PCDH15: variants seen among roughly 807,000 people sequenced by gnomAD.
PCDH15 encodes the protein protocadherin related 15.
A neutral mutation model predicts 178.5 loss-of-function variants in PCDH15; 129 were observed. The observed-to-expected ratio is 0.72, with a 90% CI of 0.63 to 0.84. PCDH15 has a LOEUF of 0.84. PCDH15 is among the 40% of genes least tolerant of loss of function. The pLI is 0.00. For missense variants in PCDH15, 2,230 were observed against 2,099.9 expected (o/e 1.06, Z -1.21); for synonymous variants, 800 against 732.0 (o/e 1.09, Z -1.50).
chr10:54,987,165 T>A (rs931622522), intron 2 of PCDH15, among the ~76,000 whole-genome samples: 1 of 152,168 alleles, frequency 6.6e-6, no homozygotes, highest in African/African-American at 2.4e-5. Context: ...GGTTTCCAGC[T>A]TCATCCGTGT....
At chr10:54,669,659 C>T (rs1055184807) in intron 1 of PCDH15, among the ~76,000 whole-genome samples, 2 of 147,348 alleles carry the variant, frequency 1.4e-5, no homozygotes, top group African/African-American at 2.5e-5. Context: ...CTCTCCCACC[C>T]GGTCCTGCTA....
At chr10:53,903,467 T>A in intron 25 of PCDH15, 97 bp from the exon 26 acceptor site, 1 of 1,457,398 alleles carries the variant, frequency 6.9e-7, no homozygotes. Flanking sequence ...TTTGGAAACA[T>A]TGAAAATAAA....
chr10:54,746,976 A>G (rs1052463224), intron 1 of PCDH15, among the ~76,000 whole-genome samples: 3 of 152,162 alleles, frequency 2.0e-5, no homozygotes, highest in African/African-American at 4.8e-5. Flanking sequence ...AATATTTTCA[A>G]CTTACAATGG....
chr10:53,852,011 C>T (rs2078413339), intron 28 of PCDH15, among the ~76,000 whole-genome samples: 1 of 151,786 alleles, frequency 6.6e-6, no homozygotes, highest in Admixed American at 6.6e-5. Context: ...GTTGTCAGTT[C>T]CGATTCATAC....
intron 2 of PCDH15, among the ~76,000 whole-genome samples, chr10:54,640,289 A>G (rs2134934775): frequency 6.6e-6 from 1 of 151,986 alleles, no homozygotes; most frequent in South Asian, 2.1e-4. Flanking sequence ...TGCCTTCCTG[A>G]TAATTTTTTT....
intron 14 of PCDH15, among the ~76,000 whole-genome samples, chr10:54,145,452 G>GA (rs2043813563): frequency 6.6e-6 from 1 of 151,996 alleles, no homozygotes. Flanking sequence ...TATTGTGCTA[G>GA]AAAAGCTATG....
chr10:54,364,467 G>T (rs10825310), intron 5 of PCDH15, among the ~76,000 whole-genome samples: 22,065 of 151,908 alleles, frequency 0.15, 1,784 homozygotes, highest in Middle Eastern at 0.22. Context: ...TGATACATCC[G>T]TGAAAACCCA....
chr10:54,311,194 G>A (rs1380826272), intron 8 of PCDH15, among the ~76,000 whole-genome samples: 1 of 152,168 alleles, frequency 6.6e-6, no homozygotes, highest in East Asian at 1.9e-4. Flanking sequence ...ACCATGTTCA[G>A]TGAGCAACTG....
chr10:55,218,974 T>C (rs1840790779), intron 1 of PCDH15, among the ~76,000 whole-genome samples: 2 of 152,094 alleles, frequency 1.3e-5, no homozygotes, highest in Admixed American at 6.6e-5. Flanking sequence ...TGGGTTTATA[T>C]AATAAAATGA....
At chr10:55,595,992 A>G (rs1430365383) in intron 2 of PCDH15, among the ~76,000 whole-genome samples, 1 of 152,120 alleles carries the variant, frequency 6.6e-6, no homozygotes, top group African/African-American at 2.4e-5. Flanking sequence ...TTCTACTTGC[A>G]TAATCAACAG....
At chr10:54,269,272 T>C (rs543437233) in intron 8 of PCDH15, among the ~76,000 whole-genome samples, 50 of 151,984 alleles carry the variant, frequency 3.3e-4, no homozygotes, top group Non-Finnish European at 5.9e-4. Flanking sequence ...GCATGTGCTT[T>C]CTACTGAATG....
intron 1 of PCDH15, among the ~76,000 whole-genome samples, chr10:54,767,996 T>C (rs192522479): frequency 1.8e-4 from 28 of 152,266 alleles, no homozygotes; most frequent in African/African-American, 4.3e-4. Flanking sequence ...TTACCAAATA[T>C]ACCATGCTAA....
intron 3 of PCDH15, among the ~76,000 whole-genome samples, chr10:54,454,975 G>T (rs2076725078): frequency 6.6e-6 from 1 of 152,064 alleles, no homozygotes; most frequent in African/African-American, 2.4e-5. Flanking sequence ...TCATGGGGGC[G>T]ATTACTCTCA....
chr10:54,331,637 C>CTTATCCTAACA, intron 6 of PCDH15, among the ~76,000 whole-genome samples: 1 of 152,082 alleles, frequency 6.6e-6, no homozygotes, highest in Admixed American at 6.6e-5. Flanking sequence ...CACTGTTAAA[C>CTTATCCTAACA]TTATCCTAAT....
intron 25 of PCDH15, among the ~76,000 whole-genome samples, chr10:53,931,446 G>T (rs2593129): frequency 0.75 from 113,458 of 152,042 alleles, 42,770 homozygotes; most frequent in East Asian, 1. Flanking sequence ...CTTTATTGGG[G>T]GTATTTATGT....
intron 1 of PCDH15, among the ~76,000 whole-genome samples, chr10:55,291,101 C>T (rs1842996256): frequency 6.6e-6 from 1 of 152,078 alleles, no homozygotes; most frequent in Non-Finnish European, 1.5e-5. Flanking sequence ...TTCTCTCTTT[C>T]TCTCTTTCCC....
intron 3 of PCDH15, among the ~76,000 whole-genome samples, chr10:54,835,557 C>G (rs113100869): frequency 0.01 from 1,587 of 152,164 alleles, 20 homozygotes; most frequent in Non-Finnish European, 0.016. Context: ...ACACCACCAA[C>G]ATACACATCC....
At chr10:55,582,467 T>C (rs1842633190) in intron 2 of PCDH15, among the ~76,000 whole-genome samples, 1 of 151,776 alleles carries the variant, frequency 6.6e-6, no homozygotes, top group South Asian at 2.1e-4. Context: ...TAAAAAGGAA[T>C]TGGGATTATT....
At chr10:55,063,600 T>C (rs563978460) in intron 2 of PCDH15, among the ~76,000 whole-genome samples, 144 of 152,294 alleles carry the variant, frequency 9.5e-4, no homozygotes, top group African/African-American at 3.0e-3. Context: ...CATGTTTGTA[T>C]GTATTTCTGT....
Sources: gnomAD v4.1 joint callset for allele counts (sites outside exome capture counted in the v4.1 genomes callset) on GRCh38, gnomAD v4.1.1 for gene constraint, MANE v1.5 for transcripts, NCBI Gene and HGNC (gene_info 2026-07-23, HGNC 2026-07-21) for gene names.